Variants in CUX2 observed in about 807,000 individuals in gnomAD.
CUX2 encodes the protein cut like homeobox 2.
A neutral mutation model predicts 144.8 loss-of-function variants in CUX2; 40 were observed. That is an observed-to-expected ratio of 0.28 (90% CI 0.21 to 0.36). The LOEUF is 0.36. Among genes scored for constraint, CUX2 ranks in the 10% least tolerant of loss-of-function variants. CUX2 has a pLI of 1.00. For missense variants in CUX2, 1,615 were observed against 1,994.0 expected (o/e 0.81, Z 3.62); for synonymous variants, 827 against 875.6 (o/e 0.94, Z 0.98).
intron 3 of CUX2, among the ~76,000 whole-genome samples, chr12:111,233,279 A>G (rs552059038): frequency 6.6e-6 from 1 of 152,200 alleles, no homozygotes; most frequent in East Asian, 1.9e-4. Context: ...CTCGCTGGCC[A>G]CCATTGCCTC....
At chr12:111,247,138 G>A (rs1883315761) in intron 3 of CUX2, among the ~76,000 whole-genome samples, 1 of 152,154 alleles carries the variant, frequency 6.6e-6, no homozygotes, top group African/African-American at 2.4e-5. Context: ...GGCATTTACT[G>A]GGAATCAAAC....
At chr12:111,207,620 C>T (rs1204845991) in intron 1 of CUX2, among the ~76,000 whole-genome samples, 2 of 152,126 alleles carry the variant, frequency 1.3e-5, no homozygotes, top group Non-Finnish European at 2.9e-5. Flanking sequence ...GGAATCTCGA[C>T]CATCACTTCA....
At chr12:111,318,680 T>A (rs1887333339) in intron 16 of CUX2, among the ~76,000 whole-genome samples, 1 of 151,954 alleles carries the variant, frequency 6.6e-6, no homozygotes, top group African/African-American at 2.4e-5. Flanking sequence ...TGTGTGATCA[T>A]CCCACTATTT....
intron 4 of CUX2, among the ~76,000 whole-genome samples, chr12:111,276,448 G>A (rs1177331219): frequency 1.3e-5 from 2 of 152,148 alleles, no homozygotes; most frequent in Non-Finnish European, 2.9e-5. Context: ...AAGTTATAAA[G>A]GGAATACACC....
chr12:111,056,397 C>T (rs1870528832), intron 1 of CUX2, among the ~76,000 whole-genome samples: 1 of 152,228 alleles, frequency 6.6e-6, no homozygotes, highest in African/African-American at 2.4e-5. Flanking sequence ...GCAGATTCAA[C>T]ATTTGCGGGT....
intron 1 of CUX2, among the ~76,000 whole-genome samples, chr12:111,144,667 G>T (rs1279845029): frequency 1.3e-5 from 2 of 152,208 alleles, no homozygotes; most frequent in Non-Finnish European, 2.9e-5. Flanking sequence ...CAAGCATCCA[G>T]CTTGAAATTC....
chr12:111,143,843 C>T (rs1200075558), intron 1 of CUX2, among the ~76,000 whole-genome samples: 1 of 152,146 alleles, frequency 6.6e-6, no homozygotes, highest in Non-Finnish European at 1.5e-5. Flanking sequence ...GACTCAGTTT[C>T]CCTCTCTGTC....
chr12:111,236,272 C>A (rs1388020302), intron 3 of CUX2, among the ~76,000 whole-genome samples: 1 of 152,144 alleles, frequency 6.6e-6, no homozygotes, highest in Admixed American at 6.5e-5. Context: ...ACGCTGCAGA[C>A]CAAGAATACT....
chr12:111,079,349 C>T (rs1352907372), intron 1 of CUX2, among the ~76,000 whole-genome samples: 2 of 152,186 alleles, frequency 1.3e-5, no homozygotes, highest in African/African-American at 2.4e-5. Context: ...TCCACATCAT[C>T]TGCGACACAC....
At chr12:111,125,337 A>G (rs1592919188) in intron 1 of CUX2, among the ~76,000 whole-genome samples, 1 of 152,050 alleles carries the variant, frequency 6.6e-6, no homozygotes, top group Admixed American at 6.6e-5. Context: ...GTGCCACCGC[A>G]CCAGGCTAAT....
At chr12:111,086,223 T>C (rs1872207342) in intron 1 of CUX2, among the ~76,000 whole-genome samples, 5 of 152,220 alleles carry the variant, frequency 3.3e-5, no homozygotes, top group Admixed American at 2.6e-4. Context: ...ATTTCTATTA[T>C]ATCATGGTAG....
At chr12:111,099,848 G>A in intron 1 of CUX2, 1 of 421,002 alleles carries the variant, frequency 2.4e-6, no homozygotes, top group Non-Finnish European at 4.8e-6. Context: ...CAGCTAGGAG[G>A]CGAGGGACCG....
At chr12:111,205,835 C>A (rs1338479992) in intron 1 of CUX2, among the ~76,000 whole-genome samples, 2 of 152,234 alleles carry the variant, frequency 1.3e-5, no homozygotes, top group African/African-American at 4.8e-5. Flanking sequence ...ACAGACCGGG[C>A]TCTTTAGGGG....
At chr12:111,095,025 C>T (rs1049048958) in intron 1 of CUX2, among the ~76,000 whole-genome samples, 2 of 152,172 alleles carry the variant, frequency 1.3e-5, no homozygotes, top group African/African-American at 4.8e-5. Flanking sequence ...TGTCTGTCTC[C>T]TCCTATTTAG....
chr12:111,252,937 C>T (rs1883634365), intron 3 of CUX2, among the ~76,000 whole-genome samples: 1 of 151,826 alleles, frequency 6.6e-6, no homozygotes, highest in Non-Finnish European at 1.5e-5. Context: ...GTTGTTAAAG[C>T]CCCAAGCTGT....
chr12:111,269,964 C>T (rs1045748866), intron 4 of CUX2, among the ~76,000 whole-genome samples: 2 of 152,240 alleles, frequency 1.3e-5, no homozygotes, highest in African/African-American at 4.8e-5. Flanking sequence ...ACCATACGAA[C>T]AGCCCCTTTA....
At position 111,330,686 on chromosome 12, in the gene CUX2, CATAT is replaced by C. The variant is rs57018141; in HGVS notation, c.2927-3693_2927-3690del. On this transcript the variant is annotated intron_variant, in intron 18 of 21. Coordinates refer to ENST00000261726, the MANE Select transcript of CUX2 (RefSeq NM_015267.4). ...CTATCTCTATTTAAAAATACATATA[CATAT>C]ATATATATATATATATATATATATA... Among the ~76,000 whole-genome samples, 140 of 59,206 alleles carry C rather than the reference CATAT, an allele frequency of 2.4e-3. 1 individual carries two copies. Among genetic ancestry groups the C allele is most frequent in the Non-Finnish European group, 3.3e-3 (85 of 25,806 alleles). The allele number at this position is 59,206 out of a possible 152,430, so 38.8% of individuals were successfully genotyped here. A position where few individuals can be genotyped will look rare whatever the true frequency, so the allele number is the denominator to read the frequency against.
At chr12:111,346,194 G>A (rs1233309277) in intron 21 of CUX2, among the ~76,000 whole-genome samples, 12 of 149,164 alleles carry the variant, frequency 8.0e-5, no homozygotes, top group African/African-American at 3.0e-4. Context: ...GAAATAAACA[G>A]GCTGGGTGCG....
At chr12:111,267,797 A>G (rs1884457357) in intron 4 of CUX2, among the ~76,000 whole-genome samples, 1 of 150,806 alleles carries the variant, frequency 6.6e-6, no homozygotes. Context: ...CTTTGTCTCA[A>G]TCTCCCTCTC....
Sources: gnomAD v4.1 joint callset for allele counts (sites outside exome capture counted in the v4.1 genomes callset) on GRCh38, gnomAD v4.1.1 for gene constraint, MANE v1.5 for transcripts, NCBI Gene and HGNC (gene_info 2026-07-23, HGNC 2026-07-21) for gene names.